LLGL2: variants seen among roughly 807,000 people sequenced by gnomAD.
LLGL2 encodes the protein LLGL scribble cell polarity complex component 2, also known as LLGL2, scribble cell polarity complex component.
In LLGL2, 81 loss-of-function variants were observed where a neutral mutation model predicts 123.2. That is an observed-to-expected ratio of 0.66 (90% CI 0.55 to 0.79). The LOEUF is 0.79. Among genes scored for constraint, LLGL2 ranks in the 30% least tolerant of loss-of-function variants. The pLI is 0.00. For synonymous variants in LLGL2, 577 were observed against 594.1 expected (o/e 0.97, Z 0.42); for missense variants, 1,273 against 1,414.6 (o/e 0.90, Z 1.61).
At position 75,564,634 on chromosome 17, in the gene LLGL2, G is replaced by T; in HGVS notation, c.1036+127G>T. ...CCCCAGTGCTGTGGGAGGCCAAGGT[G>T]GTAGGATCGCTTGAACCCAGGAGTT... On this transcript the variant is annotated intron_variant, in intron 10 of 25. Transcript: ENST00000392550. The surrounding 1 kb of genome is among the most constrained non-coding windows in gnomAD (Gnocchi z 4.9). 6.8e-7 allele frequency: 1 copy of T among 1,472,816 alleles called. No homozygotes were observed. 91.2% of individuals were successfully genotyped at this position (1,472,816 alleles called of 1,614,324 possible).
intron 1 of LLGL2, among the ~76,000 whole-genome samples, chr17:75,526,866 A>T (rs989365553): frequency 3.3e-5 from 5 of 152,162 alleles, no homozygotes; most frequent in African/African-American, 1.2e-4. Context: ...GGGGAAGCCA[A>T]GGTCAGAAGT....
intron 6 of LLGL2, among the ~76,000 whole-genome samples, chr17:75,561,810 T>C (rs1199010341): frequency 1.3e-5 from 2 of 151,632 alleles, no homozygotes; most frequent in Non-Finnish European, 2.9e-5. Context: ...TAATCCCTGA[T>C]ACTCGGGAGG....
intron 1 of LLGL2, among the ~76,000 whole-genome samples, chr17:75,535,224 C>T (rs931700204): frequency 6.6e-6 from 1 of 152,266 alleles, no homozygotes; most frequent in Non-Finnish European, 1.5e-5. Context: ...GGATTCACAT[C>T]CGTCAAACAG....
Position 75,563,456 on chromosome 17 carries a change from G to A in LLGL2, c.819G>A (p.Val273=). Residue 273 remains valine (V), a synonymous_variant, in exon 8 of 26, where the codon GTG becomes GTA. Coordinates refer to ENST00000392550, the MANE Select transcript of LLGL2 (RefSeq NM_001031803.2). ...AQQPEPLRSL[V]PYGPFPCKAI... ...AACCAGAGCCCCTCCGCAGCCTCGT[G>A]CCTTACGGTCAGTGTTTCACCCGCC... is the stretch of plus-strand genomic sequence containing the variant. 1.2e-6 allele frequency: 2 copies of A among 1,612,446 alleles called. No homozygotes were observed. Among genetic ancestry groups the A allele is most frequent in the Non-Finnish European group, 1.7e-6 (2 of 1,179,988 alleles).
Position 75,568,994 on chromosome 17 carries a change from G to C in LLGL2, c.1339G>C (p.Val447Leu), listed in dbSNP as rs1166864414. The change falls in exon 13 of 26, where the codon GTG (valine) becomes CTG (leucine). Residue 447 changes from valine to leucine, a missense_variant. Coordinates refer to ENST00000392550, the MANE Select transcript of LLGL2 (RefSeq NM_001031803.2). ...LLLTGHEDGT[V>L]RFWDASGVCL... ...TGCCCACAGGCACGAGGACGGCACG[G>C]TGCGGTTCTGGGATGCCTCGGGTGT... 6.2e-7 allele frequency: 1 copy of C among 1,613,138 alleles called. No individual in the cohort carries two copies. The highest frequency in any genetic ancestry group is 8.5e-7 in the Non-Finnish European group (1 of 1,179,738).
intron 1 of LLGL2, among the ~76,000 whole-genome samples, chr17:75,530,732 G>A (rs570022139): frequency 1.2e-4 from 19 of 152,042 alleles, no homozygotes; most frequent in African/African-American, 4.6e-4. Flanking sequence ...GATCGCTTGA[G>A]CCCAAGAGTT....
chr17:75,534,390 T>C (rs573072339), intron 1 of LLGL2, among the ~76,000 whole-genome samples: 2 of 152,284 alleles, frequency 1.3e-5, no homozygotes, highest in East Asian at 3.9e-4. Flanking sequence ...CCATCCAGCC[T>C]GCGAGCAGGC....
intron 2 of LLGL2, among the ~76,000 whole-genome samples, chr17:75,555,826 C>G (rs932086051): frequency 2.0e-5 from 3 of 152,164 alleles, no homozygotes; most frequent in Admixed American, 1.3e-4. Flanking sequence ...GGAAGATCAG[C>G]TCGCAGGGGT....
chr17:75,526,089 A>G (rs1476749787), intron 1 of LLGL2, among the ~76,000 whole-genome samples: 4 of 151,960 alleles, frequency 2.6e-5, no homozygotes, highest in Admixed American at 2.6e-4. Context: ...ATGTTGGCTT[A>G]GGAGAGCAGG....
At chr17:75,539,360 CT>C (rs1443898535) in intron 1 of LLGL2, among the ~76,000 whole-genome samples, 1 of 151,820 alleles carries the variant, frequency 6.6e-6, no homozygotes, top group African/African-American at 2.4e-5. Flanking sequence ...CCCAGCCCTC[CT>C]TTCTTTTCAA....
rs752737453 is a variant in LLGL2 at position 75,563,355 on chromosome 17, C to T, written c.718C>T (p.Arg240Trp). ...GCAACTGGAGAACATCTGGTGGCAG[C>T]GGGACGGCCGCCTGCTCGTCAGCTG... Reference protein sequence around the residue: ...SQQLENIWWQRDGRLLVSCHS... With the variant: ...SQQLENIWWQWDGRLLVSCHS... The change falls in exon 8 of 26, where the codon CGG (arginine) becomes TGG (tryptophan). Residue 240 changes from arginine (R) to tryptophan (W), a missense_variant. Transcript: ENST00000392550. The T allele has an allele frequency of 6.2e-6, 10 of 1,612,650 alleles. No individual in the cohort carries two copies. The highest frequency in any genetic ancestry group is 8.5e-6 in the Non-Finnish European group (10 of 1,179,910).
Position 75,558,639 on chromosome 17 carries a change from A to G in LLGL2, c.371+12A>G, listed in dbSNP as rs760074790. ...CGTGGACCCCCAGGGTAAGGGCTCA[A>G]TCCCCAGCCCCTTCCACTCCCAGCC... is the stretch of plus-strand genomic sequence containing the variant. On this transcript the variant is annotated intron_variant, in intron 5 of 25. Coordinates refer to ENST00000392550, the MANE Select transcript of LLGL2 (RefSeq NM_001031803.2). The surrounding 1 kb of genome is among the most constrained non-coding windows in gnomAD (Gnocchi z 4.0). The G allele has an allele frequency of 1.2e-5, 19 of 1,574,502 alleles. No individual in the cohort carries two copies. Among genetic ancestry groups the G allele is most frequent in the South Asian group, 8.1e-5 (7 of 86,492 alleles).
intron 1 of LLGL2, among the ~76,000 whole-genome samples, chr17:75,530,327 C>T (rs563142970): frequency 1.3e-5 from 2 of 152,178 alleles, no homozygotes; most frequent in South Asian, 4.2e-4. Context: ...ACAGTGAGAT[C>T]GCGTCTCTAC....
intron 6 of LLGL2, among the ~76,000 whole-genome samples, chr17:75,561,083 C>T (rs190334233): frequency 4.7e-4 from 71 of 152,266 alleles, no homozygotes; most frequent in Non-Finnish European, 9.0e-4. Flanking sequence ...CCACCCACCT[C>T]GGTCTCCCAA....
Position 75,573,156 on chromosome 17 carries a change from C to G in LLGL2, c.2603C>G (p.Thr868Ser). Residue 868 changes from threonine (T) to serine (S), a missense_variant, in exon 20 of 26, where the codon ACC becomes AGC. Transcript: ENST00000392550. The stretch of plus-strand genomic sequence containing the variant: ...GGGGAGCACCACCTGGCAGTCCTTA[C>G]CAACCTGGGCGACATCCAGGTGGTC... ...DYGEHHLAVL[T>S]NLGDIQVVSL... 1.9e-6 allele frequency: 3 copies of G among 1,613,120 alleles called. No individual in the cohort carries two copies. Among genetic ancestry groups the G allele is most frequent in the Non-Finnish European group, 2.5e-6 (3 of 1,179,990 alleles).
chr17:75,536,908 A>C (rs1265678396), intron 1 of LLGL2, among the ~76,000 whole-genome samples: 1 of 152,018 alleles, frequency 6.6e-6, no homozygotes, highest in Non-Finnish European at 1.5e-5. Flanking sequence ...GCTCACTGCA[A>C]CTTCCACCTC....
rs536663741 is a variant in LLGL2, at chr17:75,547,112, GGC to G, written c.75+3612_75+3613del. On this transcript the variant is annotated intron_variant, in intron 2 of 25. Transcript: ENST00000392550. The stretch of plus-strand genomic sequence containing the variant: ...CTGGCCTTTTTGTCCAACACCTTTT[GGC>G]TCAACTCCTTTATACCCACACCAAG... 3.3e-3 allele frequency among the ~76,000 whole-genome samples: 498 copies of G among 152,324 alleles called. 3 individuals carry two copies. The highest frequency in any genetic ancestry group is 0.011 in the African/African-American group (471 of 41,568).
intron 17 of LLGL2, 58 bp from the exon 18 acceptor site, chr17:75,571,609 C>T (rs1283794907): frequency 5.2e-6 from 7 of 1,337,076 alleles, no homozygotes; most frequent in Non-Finnish European, 7.4e-6. Flanking sequence ...CCCTGGTTGC[C>T]CAGCTCCACC....
chr17:75,537,199 T>G (rs983321858), intron 1 of LLGL2, among the ~76,000 whole-genome samples: 1 of 152,096 alleles, frequency 6.6e-6, no homozygotes, highest in Non-Finnish European at 1.5e-5. Context: ...TTGTGGGCCA[T>G]TTAGGTTGCT....
Sources: gnomAD v4.1 joint callset for allele counts (sites outside exome capture counted in the v4.1 genomes callset) on GRCh38, gnomAD v4.1.1 for gene constraint, Gnocchi (gnomAD v3.1) non-coding constraint, MANE v1.5 for transcripts, NCBI Gene and HGNC (gene_info 2026-07-23, HGNC 2026-07-21) for gene names.